Variants in PDS5A observed in about 807,000 individuals in gnomAD.
PDS5A encodes the protein sister chromatid cohesion protein PDS5 homolog A.
In PDS5A, 42 loss-of-function variants were observed where a neutral mutation model predicts 167.1. The observed-to-expected ratio is 0.25, with a 90% CI of 0.20 to 0.33. PDS5A has a LOEUF of 0.33. PDS5A is among the 10% of genes least tolerant of loss of function. The pLI, the probability that PDS5A is intolerant of heterozygous loss-of-function variation, is 1.00. For synonymous variants in PDS5A, 553 were observed against 554.6 expected, an observed-to-expected ratio of 1.00 and a Z score of 0.04; for missense variants, 1,033 against 1,605.9, an observed-to-expected ratio of 0.64 and a Z score of 6.10.
intron 23 of PDS5A, among the ~76,000 whole-genome samples, chr4:39,866,067 C>G (rs1339289494): frequency 6.6e-6 from 1 of 152,180 alleles, no homozygotes. Context: ...TGTAGAACAA[C>G]AAGAAGGCTT....
At chr4:39,967,013 A>G (rs1730032156) in intron 2 of PDS5A, among the ~76,000 whole-genome samples, 1 of 151,380 alleles carries the variant, frequency 6.6e-6, no homozygotes, top group Non-Finnish European at 1.5e-5. Flanking sequence ...TAAAGAAAAA[A>G]AAAATTTCAG....
At chr4:39,949,849 A>G (rs533831748) in intron 2 of PDS5A, among the ~76,000 whole-genome samples, 9 of 151,510 alleles carry the variant, frequency 5.9e-5, no homozygotes, top group African/African-American at 2.2e-4. Context: ...AAACACCACA[A>G]AAAACCTGAC....
rs1725082587 is a variant in PDS5A at position 39,922,559 on chromosome 4, T to C, written c.654+63A>G. ...ATTGCAAATGGCCATAAAACAACTG[T>C]TCATTCTTATGTGTGGCGTGACTGT... is the stretch of plus-strand genomic sequence containing the variant. On this transcript the variant is annotated intron_variant, in intron 6 of 32. Transcript: ENST00000303538. 6 of 1,370,502 alleles carry C rather than the reference T, an allele frequency of 4.4e-6. No homozygotes were observed. The East Asian group carries it at 1.5e-4, about 34-fold the overall frequency. 84.9% of individuals were successfully genotyped at this position (1,370,502 alleles called of 1,614,324 possible).
At chr4:39,839,410 A>G (rs1185395077) in intron 31 of PDS5A, among the ~76,000 whole-genome samples, 3 of 151,922 alleles carry the variant, frequency 2.0e-5, no homozygotes, top group African/African-American at 4.8e-5. Context: ...TCTCTACTAA[A>G]AATACAAAAA....
At chr4:39,841,197 T>C (rs402490) in intron 31 of PDS5A, among the ~76,000 whole-genome samples, 40,875 of 152,142 alleles carry the variant, frequency 0.27, 6,406 homozygotes, top group Middle Eastern at 0.41. Flanking sequence ...TGGAGTGCAA[T>C]GGCACGATCT....
At position 39,874,372 on chromosome 4, in the gene PDS5A, T is replaced by G; in HGVS notation, c.2194A>C (p.Thr732Pro). 1 of 1,612,582 alleles carries G rather than the reference T, an allele frequency of 6.2e-7. No individual in the cohort carries two copies. Among genetic ancestry groups the G allele is most frequent in the Non-Finnish European group, 8.5e-7 (1 of 1,178,686 alleles). The change falls in exon 20 of 33, where the codon ACT (threonine) becomes CCT (proline). Residue 732 changes from threonine (T) to proline (P), a missense_variant. Physicochemically the swap from Thr to Pro is conservative, Grantham distance 38. Around this residue, in one of 4 missense-constraint regions of PDS5A, gnomAD observed 367 missense variants for 686.7 expected, o/e 0.53. Transcript: ENST00000303538. ...PILHQKAKRGTPHQAKQAVHC... is the reference protein window; with the variant it reads ...PILHQKAKRGPPHQAKQAVHC... ...ACAGCCTGTTTTGCTTGGTGTGGAG[T>G]ACCCCTCTTTGCTTTTTGATGTAAA...
intron 26 of PDS5A, among the ~76,000 whole-genome samples, chr4:39,855,245 T>C (rs1718439445): frequency 6.6e-6 from 1 of 152,174 alleles, no homozygotes; most frequent in Non-Finnish European, 1.5e-5. Flanking sequence ...AGGCTGACCA[T>C]AAAGATAACA....
chr4:39,951,421 A>G (rs1227106761), intron 2 of PDS5A, among the ~76,000 whole-genome samples: 1 of 152,212 alleles, frequency 6.6e-6, no homozygotes, highest in African/African-American at 2.4e-5. Context: ...CAGTTTTCCA[A>G]TGAGAGACAG....
At chr4:39,887,747 CT>C (rs750204435) in intron 17 of PDS5A, among the ~76,000 whole-genome samples, 2 of 152,092 alleles carry the variant, frequency 1.3e-5, no homozygotes, top group Non-Finnish European at 2.9e-5. Context: ...TAAAATGGTT[CT>C]GCACAGCTAA....
chr4:39,957,494 T>C (rs769401952), intron 2 of PDS5A, among the ~76,000 whole-genome samples: 2 of 152,058 alleles, frequency 1.3e-5, no homozygotes, highest in African/African-American at 2.4e-5. Context: ...CAGCATCAAT[T>C]AGAAATGGAT....
intron 7 of PDS5A, among the ~76,000 whole-genome samples, chr4:39,918,961 C>CA (rs928689070): frequency 1.3e-5 from 2 of 151,738 alleles, no homozygotes; most frequent in African/African-American, 4.8e-5. Context: ...TACACACACA[C>CA]AAAAAAGCAC....
chr4:39,861,786 T>C (rs1056430294), intron 26 of PDS5A, among the ~76,000 whole-genome samples: 1 of 152,202 alleles, frequency 6.6e-6, no homozygotes, highest in Non-Finnish European at 1.5e-5. Context: ...ATGTATACAA[T>C]TATTATGTAT....
chr4:39,919,885 C>T (rs1454994295), intron 7 of PDS5A, among the ~76,000 whole-genome samples: 3 of 150,144 alleles, frequency 2.0e-5, no homozygotes, highest in Non-Finnish European at 3.0e-5. Flanking sequence ...CCAAAAACAA[C>T]AGGCAAAACA....
intron 5 of PDS5A, 147 bp downstream of exon 5, chr4:39,925,689 A>T: frequency 2.8e-6 from 1 of 361,422 alleles, no homozygotes; most frequent in Non-Finnish European, 5.1e-6. Flanking sequence ...GGACAACAGA[A>T]TTTTTACTTT....
At chr4:39,964,776 T>C (rs1404853560) in intron 2 of PDS5A, among the ~76,000 whole-genome samples, 1 of 151,958 alleles carries the variant, frequency 6.6e-6, no homozygotes, top group Non-Finnish European at 1.5e-5. Flanking sequence ...CTGGCCAACA[T>C]GGTGAAACAC....
In PDS5A at chr4:39,926,056, T is replaced by C. The variant is rs532510814; in HGVS notation, c.430-123A>G. On this transcript the variant is annotated intron_variant, in intron 4 of 32. Transcript: ENST00000303538. ...TATTAAAGTCTATAAAGACTCAACA[T>C]ATAAAATTTTAAGTGTTAATCACAT... The C allele has an allele frequency of 5.3e-5, 17 of 322,708 alleles. No individual in the cohort carries two copies. In the Admixed American group the frequency reaches 5.3e-4, roughly 10 times the overall value. 20.0% of individuals were successfully genotyped at this position (322,708 alleles called of 1,614,324 possible).
chr4:39,837,901 A>C lies in PDS5A; in HGVS notation c.3965T>G (p.Leu1322Ter), dbSNP rs1410894942. The C allele has an allele frequency of 6.2e-7, 1 of 1,612,500 alleles. No homozygotes were observed. The highest frequency in any genetic ancestry group is 1.7e-5 in the Admixed American group (1 of 59,558). Reference protein sequence around the residue: ...GNAKAPKLQDLAKKAAPAERQ... With the variant: ...GNAKAPKLQD The stretch of plus-strand genomic sequence containing the variant: ...TTCTGCTGGTGCTGCCTTTTTGGCT[A>C]AATCTTGCAGTTTGGGTGCTTTGGC... Residue 1322 changes from leucine to a stop codon, truncating the protein, a stop_gained, in exon 32 of 33, where the codon TTA (leucine) becomes TGA (stop). Transcript: ENST00000303538. LOFTEE classifies it high-confidence loss of function.
chr4:39,898,558 A>T, intron 15 of PDS5A, 30 bp from the exon 16 acceptor site: 1 of 1,365,476 alleles, frequency 7.3e-7, no homozygotes, highest in South Asian at 1.4e-5. Flanking sequence ...TCAATATTAG[A>T]GAAGGAAAAA....
chr4:39,972,320 G>C (rs1314267133), intron 2 of PDS5A, among the ~76,000 whole-genome samples: 1 of 152,146 alleles, frequency 6.6e-6, no homozygotes, highest in South Asian at 2.1e-4. Context: ...AAGAGTTCGA[G>C]ACCAGCCTGA....
Sources: allele counts gnomAD v4.1 joint callset (sites outside exome capture counted in the v4.1 genomes callset), GRCh38; gene constraint gnomAD v4.1.1; regional missense constraint gnomAD v4.1.1; transcripts MANE v1.5; gene names NCBI Gene and HGNC (gene_info 2026-07-23, HGNC 2026-07-21).